PTPRD: variants seen among roughly 807,000 people sequenced by gnomAD.
PTPRD encodes the protein receptor-type tyrosine-protein phosphatase delta.
A neutral mutation model predicts 214.5 loss-of-function variants in PTPRD; 34 were observed. The observed-to-expected ratio is 0.16, with a 90% CI of 0.12 to 0.21. The LOEUF is 0.21. Ranked by LOEUF, PTPRD falls within the 10% of genes least tolerant of loss-of-function variation. The pLI is 1.00. For synonymous variants in PTPRD, 1,128 were observed against 845.7 expected (o/e 1.33, Z -5.79); for missense variants, 2,545 against 2,398.7 (o/e 1.06, Z -1.27).
At chr9:9,279,316 A>G (rs1946805785) in intron 9 of PTPRD, among the ~76,000 whole-genome samples, 1 of 146,504 alleles carries the variant, frequency 6.8e-6, no homozygotes, top group Non-Finnish European at 1.5e-5. Context: ...ACACATGCAT[A>G]TATACAGATA....
rs61733170 is a variant in PTPRD, at chr9:8,485,996, G to A, written c.2821C>T (p.Pro941Ser). The change falls in exon 28 of 46, where the codon CCA becomes TCA. Residue 941 changes from proline to serine, a missense_variant. Physicochemically the swap from Pro to Ser is moderately conservative, Grantham distance 74 (BLOSUM62 -1). Coordinates refer to ENST00000381196, the MANE Select transcript of PTPRD (RefSeq NM_002839.4). ...CCATTTCTCTCTGCCAGGACAGGTG[G>A]TTGCCAAGATAACTGGACGGAGGTT... ...TSTSVQLSWQ[P>S]PVLAERNGII... 3.7e-6 allele frequency: 6 copies of A among 1,614,086 alleles called. No individual in the cohort carries two copies. Among genetic ancestry groups the A allele is most frequent in the African/African-American group, 1.3e-5 (1 of 74,924 alleles).
chr9:10,006,662 G>A (rs1443714636), intron 4 of PTPRD, among the ~76,000 whole-genome samples: 1 of 151,810 alleles, frequency 6.6e-6, no homozygotes, highest in Non-Finnish European at 1.5e-5. Context: ...CCTTTACATT[G>A]GACGAATAAT....
At chr9:8,828,962 A>T (rs2097228492) in intron 11 of PTPRD, among the ~76,000 whole-genome samples, 1 of 152,172 alleles carries the variant, frequency 6.6e-6, no homozygotes, top group Admixed American at 6.5e-5. Flanking sequence ...TGAAAAAGAA[A>T]CACATATTCT....
At chr9:9,382,376 A>G (rs1025759122) in intron 9 of PTPRD, among the ~76,000 whole-genome samples, 1 of 152,182 alleles carries the variant, frequency 6.6e-6, no homozygotes, top group Admixed American at 6.6e-5. Flanking sequence ...AATAATCAAC[A>G]AAATTAAAAA....
intron 3 of PTPRD, among the ~76,000 whole-genome samples, chr9:10,261,000 G>GTA (rs1564851779): frequency 0.025 from 3,600 of 145,784 alleles, 152 homozygotes; most frequent in African/African-American, 0.087. Context: ...ATATATATGT[G>GTA]TATATATGTA....
intron 2 of PTPRD, among the ~76,000 whole-genome samples, chr9:10,359,023 C>T (rs1453980500): frequency 6.6e-6 from 1 of 151,676 alleles, no homozygotes; most frequent in Non-Finnish European, 1.5e-5. Context: ...TTGTTTTTTC[C>T]TTGCCTATGT....
At chr9:8,362,353 C>T (rs1200536076) in intron 39 of PTPRD, among the ~76,000 whole-genome samples, 1 of 152,170 alleles carries the variant, frequency 6.6e-6, no homozygotes, top group Non-Finnish European at 1.5e-5. Flanking sequence ...AAATGGATTT[C>T]AGACTATAGT....
chr9:9,468,747 G>GA (rs1328038221), intron 8 of PTPRD, among the ~76,000 whole-genome samples: 1 of 151,886 alleles, frequency 6.6e-6, no homozygotes, highest in Non-Finnish European at 1.5e-5. Context: ...CACATATATT[G>GA]AAAAATGGTT....
intron 9 of PTPRD, among the ~76,000 whole-genome samples, chr9:9,336,402 A>T (rs1455788665): frequency 6.6e-6 from 1 of 152,086 alleles, no homozygotes; most frequent in Non-Finnish European, 1.5e-5. Flanking sequence ...TGAATCATAA[A>T]CTTTTCAAGG....
At chr9:9,131,921 T>C (rs2099843317) in intron 10 of PTPRD, among the ~76,000 whole-genome samples, 1 of 152,108 alleles carries the variant, frequency 6.6e-6, no homozygotes, top group South Asian at 2.1e-4. Context: ...TAATGAATTT[T>C]AAAGACAGAT....
chr9:8,849,715 G>C (rs1030252237), intron 11 of PTPRD, among the ~76,000 whole-genome samples: 8 of 152,314 alleles, frequency 5.3e-5, no homozygotes, highest in Middle Eastern at 3.4e-3. Context: ...TGACTGCAGG[G>C]AATGTGATAC....
At chr9:8,665,829 G>A (rs971009620) in intron 12 of PTPRD, among the ~76,000 whole-genome samples, 1 of 152,160 alleles carries the variant, frequency 6.6e-6, no homozygotes, top group African/African-American at 2.4e-5. Flanking sequence ...ATACTTTACT[G>A]TAACAGTGTC....
At chr9:8,459,612 G>GA (rs897551857) in intron 33 of PTPRD, among the ~76,000 whole-genome samples, 1 of 151,876 alleles carries the variant, frequency 6.6e-6, no homozygotes, top group Non-Finnish European at 1.5e-5. Flanking sequence ...TGCCCTAGGG[G>GA]AAAAAATCTT....
intron 10 of PTPRD, among the ~76,000 whole-genome samples, chr9:9,110,636 T>C (rs1015281008): frequency 6.6e-6 from 1 of 152,086 alleles, no homozygotes; most frequent in African/African-American, 2.4e-5. Flanking sequence ...ACCCATCAAA[T>C]AAAATCTCCA....
At chr9:9,573,114 T>A (rs977529087) in intron 8 of PTPRD, among the ~76,000 whole-genome samples, 1 of 151,682 alleles carries the variant, frequency 6.6e-6, no homozygotes, top group African/African-American at 2.4e-5. Flanking sequence ...CTATCAATAT[T>A]AGAAAGGGTT....
chr9:8,710,494 T>A (rs1045941543), intron 12 of PTPRD, among the ~76,000 whole-genome samples: 2 of 152,088 alleles, frequency 1.3e-5, no homozygotes, highest in Admixed American at 1.3e-4. Context: ...CAGGCGCCTA[T>A]ACTCCTAGCT....
At chr9:9,173,140 C>A (rs1246262715) in intron 10 of PTPRD, among the ~76,000 whole-genome samples, 1 of 152,124 alleles carries the variant, frequency 6.6e-6, no homozygotes, top group South Asian at 2.1e-4. Flanking sequence ...TTTGCACCTG[C>A]TCTTTCCTTA....
intron 8 of PTPRD, among the ~76,000 whole-genome samples, chr9:9,472,256 C>T (rs572628736): frequency 5.3e-4 from 78 of 146,596 alleles, no homozygotes; most frequent in African/African-American, 1.2e-3. Context: ...GACTGCGGAC[C>T]GCAGTGGCGC....
intron 21 of PTPRD, among the ~76,000 whole-genome samples, chr9:8,511,758 A>T (rs1232506652): frequency 1.3e-5 from 2 of 152,172 alleles, no homozygotes; most frequent in African/African-American, 4.8e-5. Flanking sequence ...CTGTAAAAGT[A>T]TGTCCGCCCT....
Sources: gnomAD v4.1 joint callset for allele counts (sites outside exome capture counted in the v4.1 genomes callset) on GRCh38, gnomAD v4.1.1 for gene constraint, MANE v1.5 for transcripts, NCBI Gene and HGNC (gene_info 2026-07-23, HGNC 2026-07-21) for gene names.